PDE3A: variants seen among roughly 807,000 people sequenced by gnomAD.
PDE3A encodes cGMP-inhibited 3',5'-cyclic phosphodiesterase 3A.
Under a neutral mutation model 98.3 loss-of-function variants are expected in PDE3A, and 43 were observed. That is an observed-to-expected ratio of 0.44 (90% CI 0.34 to 0.56). The LOEUF is 0.56. Ranked by LOEUF, PDE3A falls within the 20% of genes least tolerant of loss-of-function variation. The probability of loss-of-function intolerance (pLI) is 0.01; values close to 1 mark genes in which losing one functional copy is unlikely to be tolerated. For missense variants in PDE3A, 1,427 were observed against 1,440.7 expected, an observed-to-expected ratio of 0.99 and a Z score of 0.15; for synonymous variants, 663 against 567.9, an observed-to-expected ratio of 1.17 and a Z score of -2.38.
At chr12:20,507,033 T>C (rs1946130992) in intron 1 of PDE3A, among the ~76,000 whole-genome samples, 1 of 152,084 alleles carries the variant, frequency 6.6e-6, no homozygotes, top group African/African-American at 2.4e-5. Flanking sequence ...GTTATTAAAT[T>C]TAGTTTTAAA....
chr12:20,611,049 CTT>C (rs1431573876), intron 2 of PDE3A, among the ~76,000 whole-genome samples: 2 of 151,862 alleles, frequency 1.3e-5, no homozygotes, highest in Non-Finnish European at 2.9e-5. Context: ...TTCAGCTGCT[CTT>C]GTCACAAAAA....
intron 1 of PDE3A, among the ~76,000 whole-genome samples, chr12:20,455,546 G>A (rs189450994): frequency 1.3e-5 from 2 of 152,256 alleles, no homozygotes; most frequent in East Asian, 1.9e-4. Flanking sequence ...GGCACCAGAT[G>A]CTTGCCAAAT....
intron 1 of PDE3A, among the ~76,000 whole-genome samples, chr12:20,536,354 G>A (rs1040309511): frequency 1.9e-4 from 29 of 152,132 alleles, no homozygotes; most frequent in African/African-American, 6.7e-4. Context: ...GTGTGTGTGT[G>A]TGTGTGCATA....
rs148510339 is a variant in PDE3A at position 20,453,350 on chromosome 12, G to T, written c.960+83106G>T. ...CATCATGCCCGGCTAATTTTTTTGTGTGTGTTTTTAGTGGAGATGGGGTTT... is the reference window on the plus strand; with the variant it reads ...CATCATGCCCGGCTAATTTTTTTGTTTGTGTTTTTAGTGGAGATGGGGTTT... On this transcript the variant is annotated intron_variant, in intron 1 of 15. Coordinates refer to ENST00000359062, the MANE Select transcript of PDE3A (RefSeq NM_000921.5). Among the ~76,000 whole-genome samples the T allele has an allele frequency of 4.2e-3, 638 of 151,584 alleles. 7 individuals carry two copies. Among genetic ancestry groups the T allele is most frequent in the African/African-American group, 0.014 (596 of 41,354 alleles).
chr12:20,672,192 A>T (rs1391235170), intron 15 of PDE3A, among the ~76,000 whole-genome samples: 2 of 142,694 alleles, frequency 1.4e-5, no homozygotes, highest in Non-Finnish European at 3.1e-5. Flanking sequence ...TCAAGGAAAT[A>T]AAAGAGGATA....
intron 10 of PDE3A, among the ~76,000 whole-genome samples, chr12:20,646,257 C>A (rs533653096): frequency 2.2e-4 from 34 of 152,276 alleles, no homozygotes; most frequent in Middle Eastern, 6.8e-3. Flanking sequence ...GATTTTTCCA[C>A]TTCAGATACC....
intron 6 of PDE3A, among the ~76,000 whole-genome samples, chr12:20,633,015 A>G (rs1944417757): frequency 7.2e-6 from 1 of 138,932 alleles, no homozygotes; most frequent in Non-Finnish European, 1.5e-5. Context: ...CAGTGGTGCA[A>G]TCTCCACTCA....
chr12:20,418,683 C>G (rs1305022208), intron 1 of PDE3A, among the ~76,000 whole-genome samples: 1 of 151,932 alleles, frequency 6.6e-6, no homozygotes, highest in African/African-American at 2.4e-5. Flanking sequence ...TTCCCTAACC[C>G]TTGATTAGCT....
chr12:20,583,698 C>T (rs1943125547), intron 2 of PDE3A, among the ~76,000 whole-genome samples: 1 of 152,042 alleles, frequency 6.6e-6, no homozygotes, highest in Middle Eastern at 3.2e-3. Context: ...ATAGACTGGG[C>T]CCTGGTATAA....
intron 1 of PDE3A, among the ~76,000 whole-genome samples, chr12:20,432,028 A>G (rs927153118): frequency 3.9e-5 from 6 of 152,192 alleles, no homozygotes; most frequent in Admixed American, 6.5e-5. Context: ...AATCTTTTGC[A>G]AAGAGCAGTG....
chr12:20,572,596 AT>A (rs1211051003), intron 2 of PDE3A, among the ~76,000 whole-genome samples: 2 of 151,766 alleles, frequency 1.3e-5, no homozygotes, highest in Non-Finnish European at 2.9e-5. Context: ...ATTTTTTCCT[AT>A]TTTCCTCGTG....
intron 15 of PDE3A, among the ~76,000 whole-genome samples, chr12:20,663,334 G>A (rs540322564): frequency 3.3e-5 from 5 of 152,328 alleles, no homozygotes; most frequent in Admixed American, 3.3e-4. Flanking sequence ...CAGTGGAGCT[G>A]TAAGAAGAGG....
intron 2 of PDE3A, among the ~76,000 whole-genome samples, chr12:20,606,677 G>A (rs1379948921): frequency 3.3e-5 from 5 of 151,632 alleles, no homozygotes; most frequent in African/African-American, 1.2e-4. Flanking sequence ...TAACCAACAT[G>A]GAGAAACCCT....
chr12:20,641,791 C>T lies in PDE3A; in HGVS notation c.2251+1834C>T, dbSNP rs186762419. On this transcript the variant is annotated intron_variant, in intron 10 of 15. Transcript: ENST00000359062. ...TTACAAGTAATAGATATTTTTTACC[C>T]CTGAAATAGTGGGTTCTTTATTCCA... Among the ~76,000 whole-genome samples, 521 of 151,870 alleles carry T rather than the reference C, an allele frequency of 3.4e-3. 1 individual carries two copies. Among genetic ancestry groups the T allele is most frequent in the Non-Finnish European group, 6.3e-3 (426 of 67,898 alleles).
intron 2 of PDE3A, among the ~76,000 whole-genome samples, chr12:20,575,868 G>GTC (rs1942917923): frequency 6.6e-6 from 1 of 151,400 alleles, no homozygotes; most frequent in Admixed American, 6.6e-5. Flanking sequence ...TGAAATAAGG[G>GTC]TCTTTTTTAA....
At chr12:20,391,456 A>G (rs1017749806) in intron 1 of PDE3A, among the ~76,000 whole-genome samples, 2 of 150,272 alleles carry the variant, frequency 1.3e-5, no homozygotes, top group African/African-American at 4.9e-5. Flanking sequence ...CTCTGGATCA[A>G]GGGTCCGGAA....
intron 1 of PDE3A, among the ~76,000 whole-genome samples, chr12:20,429,575 G>A (rs1944660292): frequency 6.6e-6 from 1 of 152,120 alleles, no homozygotes; most frequent in Non-Finnish European, 1.5e-5. Context: ...CTAACTCTGT[G>A]GGGTAAAGAA....
At chr12:20,677,968 GTGAATCAGTCTTTAGAC>G (rs1945684335) in intron 15 of PDE3A, among the ~76,000 whole-genome samples, 1 of 151,226 alleles carries the variant, frequency 6.6e-6, no homozygotes, top group African/African-American at 2.5e-5. Context: ...GGGATGTGAT[GTGAATCAGTCTTTAGAC>G]CCCAGTGGTG....
At chr12:20,624,733 A>G (rs891540760) in intron 5 of PDE3A, among the ~76,000 whole-genome samples, 1 of 152,210 alleles carries the variant, frequency 6.6e-6, no homozygotes, top group Admixed American at 6.5e-5. Flanking sequence ...AGACAAACAC[A>G]TCTATCAAGA....
Sources: allele counts gnomAD v4.1 joint callset (sites outside exome capture counted in the v4.1 genomes callset), GRCh38; gene constraint gnomAD v4.1.1; transcripts MANE v1.5; gene names NCBI Gene and HGNC (gene_info 2026-07-23, HGNC 2026-07-21).